The following CSMD1 variants were observed in gnomAD, a reference collection of about 807,000 sequenced individuals.
CSMD1 encodes CUB and Sushi multiple domains 1, also known as CUB and sushi domain-containing protein 1.
CSMD1 carries 213 observed loss-of-function variants against 417.5 expected under a neutral mutation model. The ratio of observed to expected loss-of-function variants is 0.51; its 90% CI spans 0.46 to 0.57. CSMD1 has a LOEUF of 0.57. Among genes scored for constraint, CSMD1 ranks in the 20% least tolerant of loss-of-function variants. The pLI is 0.00. For synonymous variants in CSMD1, 2,862 were observed against 1,736.8 expected, an observed-to-expected ratio of 1.65 and a Z score of -16.11; for missense variants, 6,923 against 4,529.7, an observed-to-expected ratio of 1.53 and a Z score of -15.17.
chr8:3,563,293 T>C (rs2170481), intron 10 of CSMD1, among the ~76,000 whole-genome samples: 133,685 of 151,818 alleles, frequency 0.88, 58,962 homozygotes, highest in African/African-American at 0.92. Context: ...TATCTAAAAG[T>C]GTGTAATTTA....
chr8:4,441,416 G>T (rs943851886), intron 2 of CSMD1, among the ~76,000 whole-genome samples: 5 of 151,754 alleles, frequency 3.3e-5, no homozygotes, highest in Middle Eastern at 3.4e-3. Flanking sequence ...CCCAGCCCCA[G>T]AAGTCATCTT....
intron 3 of CSMD1, among the ~76,000 whole-genome samples, chr8:4,146,197 A>T (rs1466707214): frequency 2.6e-5 from 4 of 151,002 alleles, no homozygotes; most frequent in Non-Finnish European, 4.4e-5. Flanking sequence ...TTCTCAAAAA[A>T]AGGGTGATAT....
At chr8:3,704,694 A>G (rs1290917422) in intron 7 of CSMD1, 1 of 152,232 alleles carries the variant, frequency 6.6e-6, no homozygotes, top group Non-Finnish European at 1.5e-5. Flanking sequence ...TTTCTTGGTC[A>G]TGAGACAATA....
chr8:3,196,607 T>G (rs1796716587), intron 33 of CSMD1, among the ~76,000 whole-genome samples: 1 of 152,178 alleles, frequency 6.6e-6, no homozygotes, highest in Non-Finnish European at 1.5e-5. Flanking sequence ...AGCTTTAGCT[T>G]CTCAATTCTA....
intron 2 of CSMD1, among the ~76,000 whole-genome samples, chr8:4,425,422 G>C (rs942969235): frequency 1.3e-5 from 2 of 151,586 alleles, no homozygotes; most frequent in African/African-American, 4.8e-5. Context: ...AGTTGACAGG[G>C]ATGCGGAAGG....
chr8:3,702,077 C>T (rs1374131838), intron 7 of CSMD1: 1 of 151,982 alleles, frequency 6.6e-6, no homozygotes, highest in Non-Finnish European at 1.5e-5. Flanking sequence ...ATTCCAGGGG[C>T]ATTTATTTTA....
chr8:4,925,771 A>T (rs1233371344), intron 1 of CSMD1, among the ~76,000 whole-genome samples: 2 of 151,638 alleles, frequency 1.3e-5, no homozygotes, highest in Non-Finnish European at 2.9e-5. Context: ...ATGGTCTCAA[A>T]CTCCTGACCT....
At chr8:3,770,989 T>C (rs772508883) in intron 5 of CSMD1, among the ~76,000 whole-genome samples, 19 of 143,828 alleles carry the variant, frequency 1.3e-4, no homozygotes, top group Admixed American at 2.1e-4. Flanking sequence ...ATTTGGACAG[T>C]TTCTCTCTCT....
chr8:3,769,291 G>GTT (rs1300440533), intron 5 of CSMD1, among the ~76,000 whole-genome samples: 3 of 152,050 alleles, frequency 2.0e-5, no homozygotes, highest in African/African-American at 7.2e-5. Context: ...TAGCTAAATA[G>GTT]TGGTCTTTAG....
intron 26 of CSMD1, among the ~76,000 whole-genome samples, chr8:3,257,206 C>G (rs563002504): frequency 6.6e-6 from 1 of 152,264 alleles, no homozygotes; most frequent in South Asian, 2.1e-4. Flanking sequence ...CATCTGTAAT[C>G]CCAGCTACTC....
intron 3 of CSMD1, among the ~76,000 whole-genome samples, chr8:4,307,346 C>T (rs1422979908): frequency 6.6e-6 from 1 of 152,142 alleles, no homozygotes; most frequent in Admixed American, 6.5e-5. Context: ...GAAAATGAGT[C>T]AGAGCAATGG....
chr8:4,769,257 C>A (rs1320231266), intron 1 of CSMD1, among the ~76,000 whole-genome samples: 1 of 152,048 alleles, frequency 6.6e-6, no homozygotes, highest in African/African-American at 2.4e-5. Context: ...GAAAAGGCAG[C>A]CAGAACAAAT....
At chr8:4,332,566 C>G (rs904753531) in intron 3 of CSMD1, among the ~76,000 whole-genome samples, 31 of 41,296 alleles carry the variant, frequency 7.5e-4, no homozygotes, top group African/African-American at 6.7e-3. Flanking sequence ...CACACACACA[C>G]ACACACACAC....
At chr8:4,254,483 G>C (rs1449981578) in intron 3 of CSMD1, among the ~76,000 whole-genome samples, 3 of 152,118 alleles carry the variant, frequency 2.0e-5, no homozygotes, top group African/African-American at 4.8e-5. Context: ...TAATGTTGTA[G>C]TGCAATTACT....
chr8:2,979,153 C>T (rs1471364533), intron 54 of CSMD1, among the ~76,000 whole-genome samples: 1 of 152,182 alleles, frequency 6.6e-6, no homozygotes, highest in East Asian at 1.9e-4. Context: ...AATATTTTTA[C>T]TCAAGTGTGG....
At chr8:3,280,230 G>T (rs926485003) in intron 26 of CSMD1, among the ~76,000 whole-genome samples, 4 of 152,158 alleles carry the variant, frequency 2.6e-5, no homozygotes, top group Non-Finnish European at 5.9e-5. Flanking sequence ...TAGATTTGGG[G>T]CCAAAGGGAA....
chr8:3,613,728 CACACACACA>C (rs1802002992), intron 8 of CSMD1, among the ~76,000 whole-genome samples: 2 of 134,414 alleles, frequency 1.5e-5, no homozygotes, highest in Admixed American at 1.5e-4. Context: ...CACACACACA[CACACACACA>C]CCTCAAAAAA....
At chr8:3,770,544 A>T (rs1798511873) in intron 5 of CSMD1, among the ~76,000 whole-genome samples, 2 of 152,184 alleles carry the variant, frequency 1.3e-5, no homozygotes, top group African/African-American at 4.8e-5. Context: ...ATAAATAAAT[A>T]AAAAGTAAAG....
At chr8:3,892,715 GTT>G (rs35178951) in intron 5 of CSMD1, among the ~76,000 whole-genome samples, 5,114 of 106,986 alleles carry the variant, frequency 0.048, 88 homozygotes, top group African/African-American at 0.065. Context: ...ATTTAGGCAG[GTT>G]TTTTTTTTTT....
Sources: allele counts gnomAD v4.1 joint callset (sites outside exome capture counted in the v4.1 genomes callset), GRCh38; gene constraint gnomAD v4.1.1; transcripts MANE v1.5; gene names NCBI Gene and HGNC (gene_info 2026-07-23, HGNC 2026-07-21).